UNC5CL: variants seen among roughly 807,000 people sequenced by gnomAD.
UNC5CL encodes the protein unc-5 family C-terminal like.
Under a neutral mutation model 54.1 loss-of-function variants are expected in UNC5CL, and 42 were observed. The observed-to-expected ratio is 0.78, with a 90% CI of 0.61 to 1.00. The LOEUF is 1.00. Among genes scored for constraint, UNC5CL ranks in the 50% least tolerant of loss-of-function variants. The pLI, the probability that UNC5CL is intolerant of heterozygous loss-of-function variation, is 0.00. For missense variants in UNC5CL, 619 were observed against 675.6 expected, an observed-to-expected ratio of 0.92 and a Z score of 0.93; for synonymous variants, 285 against 285.1, an observed-to-expected ratio of 1.00 and a Z score of 0.00.
chr6:41,029,761 G>A lies in UNC5CL; in HGVS notation c.1334+627C>T, dbSNP rs948488150. Among the ~76,000 whole-genome samples, 10 of 152,286 alleles carry A rather than the reference G, an allele frequency of 6.6e-5. No homozygotes were observed. The highest frequency in any genetic ancestry group is 7.4e-5 in the Non-Finnish European group (5 of 68,022). ...TGAGGCAGGAGAATTACTTGAACCC[G>A]GGAGATGGAGGTTGCAGTGAGCCAA... is the stretch of plus-strand genomic sequence containing the variant. On this transcript the variant is annotated intron_variant, in intron 8 of 8. Coordinates refer to ENST00000244565, the MANE Select transcript of UNC5CL (RefSeq NM_173561.3). The surrounding 1 kb of genome is among the most constrained non-coding windows in gnomAD (Gnocchi z 4.1).
chr6:41,032,143 G>A lies in UNC5CL; in HGVS notation c.950-6C>T, dbSNP rs1467639759. On this transcript the variant is annotated splice_polypyrimidine_tract_variant and splice_region_variant and intron_variant, in intron 4 of 8. Coordinates refer to ENST00000244565, the MANE Select transcript of UNC5CL (RefSeq NM_173561.3). ...GTCATCCACATTCTCCCAACCTGGTGAGTAGGCAGACAGCAGAGGGCCTCA... is the reference window on the plus strand; with the variant it reads ...GTCATCCACATTCTCCCAACCTGGTAAGTAGGCAGACAGCAGAGGGCCTCA... 1.1e-5 allele frequency: 17 copies of A among 1,613,576 alleles called. No individual in the cohort carries two copies. The highest frequency in any genetic ancestry group is 6.7e-5 in the East Asian group (3 of 44,884).
At position 41,028,419 on chromosome 6, in the gene UNC5CL, C is replaced by G; in HGVS notation, c.1511G>C (p.Gly504Ala). Residue 504 changes from glycine (G) to alanine (A), a missense_variant, in exon 9 of 9, where the codon GGG becomes GCG. Gly to Ala is a moderately conservative substitution (Grantham distance 60). Coordinates refer to ENST00000244565, the MANE Select transcript of UNC5CL (RefSeq NM_173561.3). This position sits in a 1 kb window ranked among gnomAD's most constrained non-coding sequence, Gnocchi z 4.3. ...THGGSPGPER[G>A]GARDNQGLEL... is the part of the protein sequence containing the mutation. The stretch of plus-strand genomic sequence containing the variant: ...CAGGCCCTGGTTATCCCGGGCGCCC[C>G]CGCGCTCGGGGCCTGGGCTGCCGCC... The G allele has an allele frequency of 3.1e-6, 5 of 1,610,906 alleles. No individual in the cohort carries two copies. The highest frequency in any genetic ancestry group is 4.2e-6 in the Non-Finnish European group (5 of 1,178,916).
At chr6:41,035,669 G>T (rs1430837049) in intron 1 of UNC5CL, among the ~76,000 whole-genome samples, 4 of 152,218 alleles carry the variant, frequency 2.6e-5, no homozygotes, top group African/African-American at 9.6e-5. Context: ...ATGCAGTAAG[G>T]GGTGGGTTAT....
rs937822440 is a variant in UNC5CL, at chr6:41,032,779, G to C, written c.949+105C>G. Reference sequence around the variant, plus strand: ...CCATCTCGGGAAAAAAAAAGAGAGAGAGACTTGGGATCCCCAGATCTCCAG... The same window carrying C: ...CCATCTCGGGAAAAAAAAAGAGAGACAGACTTGGGATCCCCAGATCTCCAG... On this transcript the variant is annotated intron_variant, in intron 4 of 8. Coordinates refer to ENST00000244565, the MANE Select transcript of UNC5CL (RefSeq NM_173561.3). 2.0e-5 allele frequency: 28 copies of C among 1,429,362 alleles called. 1 individual carries two copies. In the South Asian group the frequency reaches 3.6e-4, roughly 18 times the overall value. 88.5% of individuals were successfully genotyped at this position (1,429,362 alleles called of 1,614,324 possible).
At chr6:41,032,359 C>T (rs1300240622) in intron 4 of UNC5CL, among the ~76,000 whole-genome samples, 1 of 152,198 alleles carries the variant, frequency 6.6e-6, no homozygotes, top group Non-Finnish European at 1.5e-5. Flanking sequence ...TCCCACCTGC[C>T]ACCTGGCATC....
In UNC5CL at chr6:41,027,668, C is replaced by G. The variant is rs1447311441; in HGVS notation, c.*705G>C. The G allele has an allele frequency of 2.0e-5, 3 of 152,250 alleles. No individual in the cohort carries two copies. Among genetic ancestry groups the G allele is most frequent in the African/African-American group, 7.2e-5 (3 of 41,436 alleles). 9.4% of individuals were successfully genotyped at this position (152,250 alleles called of 1,614,324 possible). On this transcript the variant is annotated 3_prime_UTR_variant, in exon 9 of 9. Transcript: ENST00000244565. ...CCTAGCCGGGAAGCCTGGTCCTACCCCGGCCTCACACCCACGGGGATGGGC... is the reference window on the plus strand; with the variant it reads ...CCTAGCCGGGAAGCCTGGTCCTACCGCGGCCTCACACCCACGGGGATGGGC...
intron 3 of UNC5CL, 74 bp downstream of exon 3, chr6:41,033,807 A>G (rs1227045862): frequency 6.7e-7 from 1 of 1,499,952 alleles, no homozygotes; most frequent in East Asian, 2.3e-5. Context: ...GATAAGGCAG[A>G]CAGAGAAAGT....
chr6:41,030,890 A>C (rs1581975482), intron 6 of UNC5CL, 135 bp from the exon 7 acceptor site: 1 of 716,404 alleles, frequency 1.4e-6, no homozygotes, highest in South Asian at 1.7e-5. Flanking sequence ...AGGAGATACA[A>C]CCCTGCTCCA....
chr6:41,027,544 T>TGATAGAGAAAATGGCAGAGA lies in UNC5CL; in HGVS notation c.*809_*828dup, dbSNP rs1181508707. Reference sequence around the variant, plus strand: ...GTTTCTACTCAGCTTTAATGTTTTCTGATAGAGAAAATGGCAGAGAGAGAG... The same window carrying TGATAGAGAAAATGGCAGAGA: ...GTTTCTACTCAGCTTTAATGTTTTCTGATAGAGAAAATGGCAGAGAGATAGAGAAAATGGCAGAGAGAGAG... On this transcript the variant is annotated 3_prime_UTR_variant, in exon 9 of 9. Transcript: ENST00000244565. 1 of 152,236 alleles carries TGATAGAGAAAATGGCAGAGA rather than the reference T, an allele frequency of 6.6e-6. No individual in the cohort carries two copies. Among genetic ancestry groups the TGATAGAGAAAATGGCAGAGA allele is most frequent in the Non-Finnish European group, 1.5e-5 (1 of 68,058 alleles). The allele number at this position is 152,236 out of a possible 1,614,324, so 9.4% of individuals were successfully genotyped here. A position where few individuals can be genotyped will look rare whatever the true frequency, so the allele number is the denominator to read the frequency against.
chr6:41,031,171 C>T (rs780690902), intron 6 of UNC5CL, among the ~76,000 whole-genome samples: 5 of 152,168 alleles, frequency 3.3e-5, no homozygotes, highest in Admixed American at 6.5e-5. Flanking sequence ...CACTAAGGTG[C>T]CACTATGGTT....
chr6:41,033,650 C>T, intron 3 of UNC5CL: 1 of 589,540 alleles, frequency 1.7e-6, no homozygotes, highest in Non-Finnish European at 3.0e-6. Context: ...CAGACACTTC[C>T]AGACAGACAG....
At position 41,035,070 on chromosome 6, in the gene UNC5CL, C is replaced by T. The variant is rs766804619; in HGVS notation, c.5G>A (p.Cys2Tyr). The change falls in exon 2 of 9, where the codon TGC (cysteine) becomes TAC (tyrosine). Residue 2 changes from cysteine (C) to tyrosine (Y), a missense_variant. Physicochemically the swap from Cys to Tyr is radical, Grantham distance 194. Transcript: ENST00000244565. The part of the protein sequence containing the change: M[C>Y]PQESSFQPSQ... ...GGGTTGGAATGAACTCTCCTGGGGG[C>T]ACATTCGCCTGGTTACTCAATGCCG... is the stretch of plus-strand genomic sequence containing the variant. The T allele has an allele frequency of 7.1e-6, 11 of 1,558,786 alleles. No homozygotes were observed. The highest frequency in any genetic ancestry group is 9.6e-6 in the Non-Finnish European group (11 of 1,148,034).
Position 41,035,095 on chromosome 6 carries a change from G to T in UNC5CL, c.-21C>A. The T allele has an allele frequency of 2.6e-6, 4 of 1,537,760 alleles. No homozygotes were observed. The South Asian group carries it at 5.0e-5, about 19-fold the overall frequency. On this transcript the variant is annotated 5_prime_UTR_variant, in exon 2 of 9. Coordinates refer to ENST00000244565, the MANE Select transcript of UNC5CL (RefSeq NM_173561.3). ...CACATTCGCCTGGTTACTCAATGCC[G>T]CTGGCTCTCCTTCACCCCTGTGCCA... is the stretch of plus-strand genomic sequence containing the variant.
Position 41,028,282 on chromosome 6 carries a change from C to T in UNC5CL, c.*91G>A. 1 of 1,309,832 alleles carries T rather than the reference C, an allele frequency of 7.6e-7. No homozygotes were observed. Among genetic ancestry groups the T allele is most frequent in the Non-Finnish European group, 1.0e-6 (1 of 977,926 alleles). 81.1% of individuals were successfully genotyped at this position (1,309,832 alleles called of 1,614,324 possible). ...CGAGGGTTCTGGGAAGGGTGGTGGG[C>T]ACAGCCAGGAACAGCTGCTGTGTTC... On this transcript the variant is annotated 3_prime_UTR_variant, in exon 9 of 9. Coordinates refer to ENST00000244565, the MANE Select transcript of UNC5CL (RefSeq NM_173561.3). The surrounding 1 kb of genome is among the most constrained non-coding windows in gnomAD (Gnocchi z 4.3).
Position 41,034,815 on chromosome 6 carries a change from G to A in UNC5CL, c.260C>T (p.Thr87Ile), listed in dbSNP as rs1449671185. 3 of 1,614,262 alleles carry A rather than the reference G, an allele frequency of 1.9e-6. No individual in the cohort carries two copies. Among genetic ancestry groups the A allele is most frequent in the East Asian group, 2.2e-5 (1 of 44,892 alleles). ...CTGGCGGACCATGGTCTGGCCTTGAGTGGGTGTGTGTAGCTCCTGGTAGAA... is the reference window on the plus strand; with the variant it reads ...CTGGCGGACCATGGTCTGGCCTTGAATGGGTGTGTGTAGCTCCTGGTAGAA... ...VAFYQELHTP[T>I]QGQTMVRQLM... The change falls in exon 2 of 9, where the codon ACT becomes ATT. Residue 87 changes from threonine to isoleucine, a missense_variant. By Grantham distance (89) the Thr-to-Ile change is moderately conservative. Coordinates refer to ENST00000244565, the MANE Select transcript of UNC5CL (RefSeq NM_173561.3).
intron 3 of UNC5CL, 33 bp downstream of exon 3, chr6:41,033,848 G>C (rs769685117): frequency 1.9e-6 from 3 of 1,597,934 alleles, no homozygotes; most frequent in Admixed American, 1.7e-5. Context: ...AGAGAGATGG[G>C]TGTGGGAAGA....
rs888015151 is a variant in UNC5CL, at chr6:41,028,178, C to G, written c.*195G>C. On this transcript the variant is annotated 3_prime_UTR_variant, in exon 9 of 9. Transcript: ENST00000244565. The surrounding 1 kb of genome is among the most constrained non-coding windows in gnomAD (Gnocchi z 4.3). Reference sequence around the variant, plus strand: ...CCTCTGCCGGCCAGGAGGGGACCCGCACGCGGGACAGCTCGCGGCCGGAAG... The same window carrying G: ...CCTCTGCCGGCCAGGAGGGGACCCGGACGCGGGACAGCTCGCGGCCGGAAG... 19 of 614,350 alleles carry G rather than the reference C, an allele frequency of 3.1e-5. No homozygotes were observed. The highest frequency in any genetic ancestry group is 5.0e-5 in the Non-Finnish European group (18 of 361,962). The allele number at this position is 614,350 out of a possible 1,614,324, so 38.1% of individuals were successfully genotyped here. A position where few individuals can be genotyped will look rare whatever the true frequency, so the allele number is the denominator to read the frequency against.
intron 8 of UNC5CL, 60 bp downstream of exon 8, chr6:41,030,328 G>A: frequency 6.5e-7 from 1 of 1,533,758 alleles, no homozygotes. Context: ...AGAGTGTCCT[G>A]AGGAACCCCA....
At position 41,035,113 on chromosome 6, in the gene UNC5CL, C is replaced by A; in HGVS notation, c.-39G>T. 3 of 1,520,164 alleles carry A rather than the reference C, an allele frequency of 2.0e-6. No homozygotes were observed. The highest frequency in any genetic ancestry group is 2.6e-6 in the Non-Finnish European group (3 of 1,134,352). 94.2% of individuals were successfully genotyped at this position (1,520,164 alleles called of 1,614,324 possible). On this transcript the variant is annotated 5_prime_UTR_variant, in exon 2 of 9. The change creates a new upstream start codon in the 5' untranslated region. Transcript: ENST00000244565. ...CAATGCCGCTGGCTCTCCTTCACCC[C>A]TGTGCCAGCCAAAGCCAAAGGCCTG...
Sources: gnomAD v4.1 joint callset for allele counts (sites outside exome capture counted in the v4.1 genomes callset) on GRCh38, gnomAD v4.1.1 for gene constraint, Gnocchi (gnomAD v3.1) non-coding constraint, MANE v1.5 for transcripts, NCBI Gene and HGNC (gene_info 2026-07-23, HGNC 2026-07-21) for gene names.